The following CCDC148 variants were observed in gnomAD, a reference collection of about 807,000 sequenced individuals.
The protein encoded by CCDC148 is coiled-coil domain containing 148.
CCDC148 carries 89 observed loss-of-function variants against 85.7 expected under a neutral mutation model. The ratio of observed to expected loss-of-function variants is 1.04; its 90% CI spans 0.87 to 1.24. The LOEUF (loss-of-function observed/expected upper bound fraction) is 1.24. Ranked by LOEUF, CCDC148 falls within the 50% of genes most tolerant of loss-of-function variation. The pLI is 0.00. For synonymous variants in CCDC148, 230 were observed against 213.9 expected (o/e 1.08, Z -0.66); for missense variants, 692 against 671.7 (o/e 1.03, Z -0.33).
intron 1 of CCDC148, among the ~76,000 whole-genome samples, chr2:158,362,376 T>A (rs1297157633): frequency 6.6e-6 from 1 of 152,218 alleles, no homozygotes; most frequent in Non-Finnish European, 1.5e-5. Context: ...TACATTCTTC[T>A]CAGCACCACA....
chr2:158,253,263 ATAATT>A (rs1463087237), intron 9 of CCDC148, among the ~76,000 whole-genome samples: 1 of 151,710 alleles, frequency 6.6e-6, no homozygotes, highest in East Asian at 1.9e-4. Context: ...TAGAATCTAA[ATAATT>A]TAGTTTTCTC....
intron 1 of CCDC148, among the ~76,000 whole-genome samples, chr2:158,439,518 C>G (rs1190204045): frequency 1.3e-5 from 2 of 151,784 alleles, no homozygotes; most frequent in African/African-American, 4.8e-5. Flanking sequence ...GGAGATATAC[C>G]TAATGTAAAT....
intron 11 of CCDC148, among the ~76,000 whole-genome samples, chr2:158,195,190 T>C (rs74424666): frequency 0.014 from 2,083 of 152,182 alleles, 48 homozygotes; most frequent in African/African-American, 0.048. Context: ...ATTTGAGGTA[T>C]GTATCTTATG....
At chr2:158,449,245 G>C (rs1380945475) in intron 1 of CCDC148, among the ~76,000 whole-genome samples, 2 of 152,144 alleles carry the variant, frequency 1.3e-5, no homozygotes, top group African/African-American at 4.8e-5. Context: ...TTAGGTCCTA[G>C]TAGGATTTTT....
At chr2:158,251,004 T>C (rs1688771371) in intron 9 of CCDC148, 92 bp from the exon 10 acceptor site, 2 of 1,159,408 alleles carry the variant, frequency 1.7e-6, no homozygotes, top group Admixed American at 2.6e-5. Context: ...ATCAAGCAGA[T>C]GTCACTTTTT....
rs1032420501 is a variant in CCDC148 at position 158,449,038 on chromosome 2, G to C, written c.25+7377C>G. On this transcript the variant is annotated intron_variant, in intron 1 of 13. Transcript: ENST00000283233. ...AGACAGCATTTCACCATGTTGGCCAGGCTGCTCTTGAACTTCTGACTTTGT... is the reference window on the plus strand; with the variant it reads ...AGACAGCATTTCACCATGTTGGCCACGCTGCTCTTGAACTTCTGACTTTGT... 1.0e-3 allele frequency among the ~76,000 whole-genome samples: 156 copies of C among 151,964 alleles called. 1 individual carries two copies. The highest frequency in any genetic ancestry group is 3.5e-3 in the African/African-American group (146 of 41,482).
At chr2:158,242,085 T>C (rs1050967115) in intron 10 of CCDC148, among the ~76,000 whole-genome samples, 2 of 151,962 alleles carry the variant, frequency 1.3e-5, no homozygotes, top group African/African-American at 4.9e-5. Context: ...TTCTTCTTAC[T>C]TGACCTTTCA....
chr2:158,376,111 C>T (rs773415123), intron 1 of CCDC148, among the ~76,000 whole-genome samples: 1 of 152,108 alleles, frequency 6.6e-6, no homozygotes, highest in African/African-American at 2.4e-5. Context: ...TAGAAAAACA[C>T]CTATCAATAT....
chr2:158,360,553 C>A (rs567631281), intron 1 of CCDC148, among the ~76,000 whole-genome samples: 16 of 152,282 alleles, frequency 1.1e-4, no homozygotes, highest in Middle Eastern at 3.4e-3. Context: ...GGACCTCCAG[C>A]AAACTCTAGC....
chr2:158,344,541 C>T (rs1348543288), intron 3 of CCDC148, among the ~76,000 whole-genome samples: 3 of 152,058 alleles, frequency 2.0e-5, no homozygotes, highest in Admixed American at 1.3e-4. Context: ...ATCATTAAAA[C>T]AAGTATACAA....
At chr2:158,254,069 C>A (rs1688913489) in intron 9 of CCDC148, among the ~76,000 whole-genome samples, 1 of 151,486 alleles carries the variant, frequency 6.6e-6, no homozygotes, top group African/African-American at 2.4e-5. Context: ...AGAACTTTAA[C>A]AAATTACAAG....
intron 1 of CCDC148, among the ~76,000 whole-genome samples, chr2:158,416,665 T>C (rs938176984): frequency 1.3e-5 from 2 of 152,222 alleles, no homozygotes; most frequent in African/African-American, 4.8e-5. Flanking sequence ...TCATAACAAC[T>C]GAACAAGTCT....
intron 2 of CCDC148, among the ~76,000 whole-genome samples, chr2:158,351,262 C>A (rs529008423): frequency 9.2e-5 from 14 of 152,342 alleles, no homozygotes; most frequent in African/African-American, 2.6e-4. Context: ...CAGCTCCGGT[C>A]TACAGCTCCC....
At chr2:158,416,225 G>A (rs1445499288) in intron 1 of CCDC148, among the ~76,000 whole-genome samples, 1 of 152,214 alleles carries the variant, frequency 6.6e-6, no homozygotes, top group Non-Finnish European at 1.5e-5. Flanking sequence ...GCCCAGCCCA[G>A]GAAACCATTC....
At chr2:158,443,709 T>G (rs1331304827) in intron 1 of CCDC148, among the ~76,000 whole-genome samples, 1 of 152,144 alleles carries the variant, frequency 6.6e-6, no homozygotes. Flanking sequence ...TTTCATTTTA[T>G]GTGGAAATTA....
chr2:158,186,007 C>T (rs1033099438), intron 11 of CCDC148, among the ~76,000 whole-genome samples: 1 of 152,030 alleles, frequency 6.6e-6, no homozygotes, highest in African/African-American at 2.4e-5. Flanking sequence ...AATGATTTGC[C>T]TTAATTGAAA....
At chr2:158,270,036 A>G (rs144806418) in intron 9 of CCDC148, among the ~76,000 whole-genome samples, 90 of 152,330 alleles carry the variant, frequency 5.9e-4, no homozygotes, top group African/African-American at 2.0e-3. Context: ...CATGTCTTCA[A>G]GCATGAGATA....
At chr2:158,305,094 T>C (rs537777935) in intron 9 of CCDC148, among the ~76,000 whole-genome samples, 4 of 152,044 alleles carry the variant, frequency 2.6e-5, no homozygotes, top group Non-Finnish European at 5.9e-5. Flanking sequence ...CCTATGACAG[T>C]GCAGATCTGC....
Position 158,265,454 on chromosome 2 carries a change from A to G in CCDC148, c.1111-14542T>C, listed in dbSNP as rs144846166. Among the ~76,000 whole-genome samples the G allele has an allele frequency of 2.5e-3, 375 of 152,254 alleles. 2 individuals are homozygous for G. Among genetic ancestry groups the G allele is most frequent in the African/African-American group, 8.6e-3 (356 of 41,572 alleles). ...TCATATACATCCCATGGAAGCTTTA[A>G]TCTTCACACAAGGGGAAATTTTAAT... On this transcript the variant is annotated intron_variant, in intron 9 of 13. Transcript: ENST00000283233.
Sources: allele counts gnomAD v4.1 joint callset (sites outside exome capture counted in the v4.1 genomes callset), GRCh38; gene constraint gnomAD v4.1.1; transcripts MANE v1.5; gene names NCBI Gene and HGNC (gene_info 2026-07-23, HGNC 2026-07-21).